Variants in RBFOX1 observed in about 807,000 individuals in gnomAD.
RBFOX1 encodes RNA binding protein fox-1 homolog 1.
Under a neutral mutation model 57.7 loss-of-function variants are expected in RBFOX1, and 8 were observed. That is an observed-to-expected ratio of 0.14 (90% CI 0.08 to 0.25). RBFOX1 has a LOEUF of 0.25. Among genes scored for constraint, RBFOX1 ranks in the 10% least tolerant of loss-of-function variants. The pLI, the probability that RBFOX1 is intolerant of heterozygous loss-of-function variation, is 1.00. For synonymous variants in RBFOX1, 326 were observed against 222.4 expected, an observed-to-expected ratio of 1.47 and a Z score of -4.15; for missense variants, 611 against 548.5, an observed-to-expected ratio of 1.11 and a Z score of -1.14.
chr16:7,119,696 A>C (rs1313658160), intron 4 of RBFOX1, among the ~76,000 whole-genome samples: 2 of 152,086 alleles, frequency 1.3e-5, no homozygotes, highest in South Asian at 2.1e-4. Flanking sequence ...TGCACAAACT[A>C]TGGGACTTTT....
chr16:7,106,854 T>A (rs1251282100), intron 4 of RBFOX1, among the ~76,000 whole-genome samples: 1 of 152,162 alleles, frequency 6.6e-6, no homozygotes, highest in East Asian at 1.9e-4. Context: ...AATAGTATAT[T>A]AATTAATTCA....
At chr16:5,994,719 G>C (rs187719735) in intron 4 of RBFOX1, among the ~76,000 whole-genome samples, 31 of 152,296 alleles carry the variant, frequency 2.0e-4, no homozygotes, top group Admixed American at 1.9e-3. Context: ...TGAGAAATCA[G>C]GTGGCACGCT....
chr16:5,951,691 C>T (rs1205014531), intron 4 of RBFOX1, among the ~76,000 whole-genome samples: 1 of 152,102 alleles, frequency 6.6e-6, no homozygotes, highest in Non-Finnish European at 1.5e-5. Flanking sequence ...CGTCCCCTGA[C>T]TCATCTTCAC....
At chr16:6,988,950 G>T (rs550763614) in intron 3 of RBFOX1, among the ~76,000 whole-genome samples, 1 of 151,942 alleles carries the variant, frequency 6.6e-6, no homozygotes, top group Non-Finnish European at 1.5e-5. Flanking sequence ...TTTTAGTTGA[G>T]ATGGGTTTTC....
chr16:7,576,218 C>G (rs773371487), intron 5 of RBFOX1, among the ~76,000 whole-genome samples: 2 of 152,076 alleles, frequency 1.3e-5, no homozygotes, highest in South Asian at 4.2e-4. Flanking sequence ...GCCACTGCAC[C>G]TAGCCCCATT....
intron 1 of RBFOX1, among the ~76,000 whole-genome samples, chr16:5,265,301 A>G (rs1180111522): frequency 1.3e-5 from 2 of 151,604 alleles, no homozygotes; most frequent in East Asian, 1.9e-4. Flanking sequence ...ATAAAACGGT[A>G]CAGCCATGAA....
At chr16:6,816,070 G>T (rs866458915) in intron 3 of RBFOX1, among the ~76,000 whole-genome samples, 15 of 152,180 alleles carry the variant, frequency 9.9e-5, no homozygotes, top group Non-Finnish European at 2.1e-4. Flanking sequence ...CACTTTTGGA[G>T]GCTGAGGCAG....
At chr16:5,943,541 C>G (rs940817201) in intron 4 of RBFOX1, among the ~76,000 whole-genome samples, 1 of 152,182 alleles carries the variant, frequency 6.6e-6, no homozygotes, top group Non-Finnish European at 1.5e-5. Flanking sequence ...AAGAAGAGGT[C>G]AAGACACAGC....
At chr16:5,929,033 TAAA>T (rs3041579) in intron 4 of RBFOX1, among the ~76,000 whole-genome samples, 3 of 127,048 alleles carry the variant, frequency 2.4e-5, no homozygotes, top group East Asian at 2.4e-4. Flanking sequence ...CTTTCCAATT[TAAA>T]AAAAAAAAAA....
intron 2 of RBFOX1, among the ~76,000 whole-genome samples, chr16:6,591,197 G>T (rs756421451): frequency 1.3e-5 from 2 of 152,160 alleles, no homozygotes; most frequent in Admixed American, 1.3e-4. Flanking sequence ...TGTAATCCCA[G>T]TGCTTTGGGA....
At chr16:5,461,499 C>A (rs1222198340) in intron 1 of RBFOX1, among the ~76,000 whole-genome samples, 1 of 152,136 alleles carries the variant, frequency 6.6e-6, no homozygotes, top group African/African-American at 2.4e-5. Context: ...CTGCAACCAA[C>A]CAGGCTCTGA....
chr16:7,041,826 G>A (rs1472544156), intron 3 of RBFOX1, among the ~76,000 whole-genome samples: 1 of 152,150 alleles, frequency 6.6e-6, no homozygotes, highest in Non-Finnish European at 1.5e-5. Flanking sequence ...GCTGGTATTT[G>A]CTGAATTTTT....
chr16:7,573,069 GGA>G (rs1272454709), intron 5 of RBFOX1, among the ~76,000 whole-genome samples: 1 of 152,052 alleles, frequency 6.6e-6, no homozygotes, highest in Admixed American at 6.6e-5. Context: ...GTGGTCAAGG[GGA>G]GAGAGAGTGC....
intron 3 of RBFOX1, among the ~76,000 whole-genome samples, chr16:7,043,922 GACAAA>G (rs1179690405): frequency 6.6e-6 from 1 of 152,028 alleles, no homozygotes; most frequent in African/African-American, 2.4e-5. Flanking sequence ...TTGTCTAAAA[GACAAA>G]ACAAAAACAA....
At chr16:6,658,796 C>A (rs2098679575) in intron 3 of RBFOX1, among the ~76,000 whole-genome samples, 1 of 152,070 alleles carries the variant, frequency 6.6e-6, no homozygotes, top group African/African-American at 2.4e-5. Flanking sequence ...TATGAATGTA[C>A]CTGCTTGGAT....
intron 4 of RBFOX1, among the ~76,000 whole-genome samples, chr16:7,301,190 A>G (rs994304000): frequency 5.3e-5 from 8 of 152,216 alleles, no homozygotes; most frequent in Non-Finnish European, 8.8e-5. Context: ...ATTTGGGGTC[A>G]TTGGATGCCC....
In RBFOX1 at chr16:5,548,206, G is replaced by C. The variant is rs867135316; in HGVS notation, c.259-50696G>C. ...ATATATATATATATATATATATATA[G>C]ACATTGGGGACTACTGGTGGGGGAG... On this transcript the variant is annotated intron_variant, in intron 2 of 2. Coordinates refer to the RBFOX1 transcript ENST00000585867. Among the ~76,000 whole-genome samples, 229 of 90,324 alleles carry C rather than the reference G, an allele frequency of 2.5e-3. 5 individuals are homozygous for C. The highest frequency in any genetic ancestry group is 7.7e-3 in the African/African-American group (218 of 28,200). 59.3% of individuals were successfully genotyped at this position (90,324 alleles called of 152,430 possible). A position where few individuals can be genotyped will look rare whatever the true frequency, so the allele number is the denominator to read the frequency against.
At chr16:7,673,707 A>G (rs978787182) in intron 13 of RBFOX1, among the ~76,000 whole-genome samples, 18 of 152,206 alleles carry the variant, frequency 1.2e-4, no homozygotes, top group African/African-American at 4.3e-4. Context: ...TGGCAACAAG[A>G]TGCACAATGA....
intron 1 of RBFOX1, among the ~76,000 whole-genome samples, chr16:6,221,580 A>G (rs1376719131): frequency 6.6e-6 from 1 of 152,242 alleles, no homozygotes; most frequent in Non-Finnish European, 1.5e-5. Flanking sequence ...AAGCTAAATT[A>G]ATGTATTAGT....
Sources: allele counts gnomAD v4.1 joint callset (sites outside exome capture counted in the v4.1 genomes callset), GRCh38; gene constraint gnomAD v4.1.1; transcripts MANE v1.5; gene names NCBI Gene and HGNC (gene_info 2026-07-23, HGNC 2026-07-21).